The following ABCC11 variants were observed in gnomAD, a reference collection of about 807,000 sequenced individuals.
The protein encoded by ABCC11 is ATP binding cassette subfamily C member 11.
Under a neutral mutation model 149.3 loss-of-function variants are expected in ABCC11, and 135 were observed. That is an observed-to-expected ratio of 0.90 (90% confidence interval 0.79 to 1.04). The LOEUF (loss-of-function observed/expected upper bound fraction) is 1.04. Ranked by LOEUF, ABCC11 falls within the 50% of genes least tolerant of loss-of-function variation. The pLI, the probability that ABCC11 is intolerant of heterozygous loss-of-function variation, is 0.00. For missense variants in ABCC11, 1,680 were observed against 1,722.1 expected (o/e 0.98, Z 0.43); for synonymous variants, 665 against 671.4 (o/e 0.99, Z 0.15).
intron 20 of ABCC11, among the ~76,000 whole-genome samples, chr16:48,191,342 C>A (rs1966907485): frequency 6.6e-6 from 1 of 152,080 alleles, no homozygotes. Flanking sequence ...TCAAGACCAG[C>A]CTGCGCAACA....
intron 3 of ABCC11, among the ~76,000 whole-genome samples, chr16:48,228,522 G>A (rs1165669629): frequency 6.6e-6 from 1 of 152,026 alleles, no homozygotes; most frequent in Non-Finnish European, 1.5e-5. Flanking sequence ...CTTGAACCCG[G>A]GAGGCACAGG....
At chr16:48,202,834 CAGATGTAAA>C (rs1386011219) in intron 14 of ABCC11, among the ~76,000 whole-genome samples, 15 of 152,074 alleles carry the variant, frequency 9.9e-5, no homozygotes. Flanking sequence ...AAGGTGGCTG[CAGATGTAAA>C]AGATTGGAAT....
intron 14 of ABCC11, among the ~76,000 whole-genome samples, chr16:48,201,174 C>T (rs1453535021): frequency 6.6e-6 from 1 of 152,140 alleles, no homozygotes; most frequent in Non-Finnish European, 1.5e-5. Flanking sequence ...TTTTTCTAAA[C>T]CTATCAACTT....
At chr16:48,239,690 A>C (rs1279225475) in intron 1 of ABCC11, among the ~76,000 whole-genome samples, 1 of 152,232 alleles carries the variant, frequency 6.6e-6, no homozygotes, top group Non-Finnish European at 1.5e-5. Context: ...GATCTAATTA[A>C]GCTAAAGAGC....
At chr16:48,189,466 T>C (rs563213377) in intron 20 of ABCC11, among the ~76,000 whole-genome samples, 2 of 152,336 alleles carry the variant, frequency 1.3e-5, no homozygotes, top group South Asian at 4.1e-4. Context: ...TTGAGCGAAC[T>C]TTTTAAGATT....
intron 19 of ABCC11, among the ~76,000 whole-genome samples, 176 bp downstream of exon 19, chr16:48,193,702 CT>C (rs1181639090): frequency 6.6e-6 from 1 of 152,212 alleles, no homozygotes; most frequent in Admixed American, 6.5e-5. Context: ...GTCAGGAGGC[CT>C]GTGCCAGGGG....
In ABCC11 at chr16:48,178,708, G is replaced by A. The variant is rs200432924; in HGVS notation, c.3259-22C>T. ...CCAGCTAGAAGGAAGGAGAAGTATC[G>A]GGGGTCAAGAGGCTGCTGGGGTGTG... is the stretch of plus-strand genomic sequence containing the variant. On this transcript the variant is annotated intron_variant, in intron 23 of 29. Coordinates refer to ENST00000356608, the MANE Select transcript of ABCC11 (RefSeq NM_001370497.1). 44 of 1,611,248 alleles carry A rather than the reference G, an allele frequency of 2.7e-5. 1 individual carries two copies. The highest frequency in any genetic ancestry group is 8.9e-5 in the East Asian group (4 of 44,870).
chr16:48,182,506 G>A (rs1173062170), intron 23 of ABCC11, among the ~76,000 whole-genome samples: 7 of 152,116 alleles, frequency 4.6e-5, no homozygotes, highest in South Asian at 4.1e-4. Flanking sequence ...GGGGCGGGGC[G>A]CGGTGGCTCA....
rs1376962655 is a variant in ABCC11 at position 48,245,643 on chromosome 16, G to A, written c.-19+1671C>T. Among the ~76,000 whole-genome samples the A allele has an allele frequency of 2.0e-5, 3 of 152,138 alleles. No individual in the cohort carries two copies. The East Asian group carries it at 5.8e-4, about 29-fold the overall frequency. ...CCAGGAGGTTGGTCACCCTAAATGT[G>A]CTGTAAGTGTACAATACACGCCAGA... is the stretch of plus-strand genomic sequence containing the variant. On this transcript the variant is annotated intron_variant, in intron 1 of 29. Coordinates refer to ENST00000356608, the MANE Select transcript of ABCC11 (RefSeq NM_001370497.1).
chr16:48,192,496 C>T (rs1372819149), intron 20 of ABCC11, 24 bp downstream of exon 20: 1 of 1,612,976 alleles, frequency 6.2e-7, no homozygotes, highest in Non-Finnish European at 8.5e-7. Context: ...AGCCTTCGGC[C>T]CCACCCAGCA....
chr16:48,244,355 T>G, intron 1 of ABCC11: 1 of 1,478,420 alleles, frequency 6.8e-7, no homozygotes, highest in East Asian at 2.6e-5. Flanking sequence ...TGTCTGGCTC[T>G]TTTTGACAGC....
intron 7 of ABCC11, 139 bp from the exon 8 acceptor site, chr16:48,215,483 A>C: frequency 9.9e-7 from 1 of 1,008,100 alleles, no homozygotes; most frequent in Non-Finnish European, 1.4e-6. Flanking sequence ...TCTCCAGGCC[A>C]CTATGCCTTA....
intron 26 of ABCC11, among the ~76,000 whole-genome samples, chr16:48,174,239 T>G (rs1013697026): frequency 6.6e-6 from 1 of 152,032 alleles, no homozygotes; most frequent in Non-Finnish European, 1.5e-5. Context: ...GCAGGGAAAA[T>G]GTACATTCAT....
At chr16:48,183,953 A>C (rs1966602160) in intron 23 of ABCC11, among the ~76,000 whole-genome samples, 1 of 152,140 alleles carries the variant, frequency 6.6e-6, no homozygotes, top group Non-Finnish European at 1.5e-5. Context: ...GCCCTGTTCT[A>C]GGGGCTGGGC....
intron 1 of ABCC11, among the ~76,000 whole-genome samples, chr16:48,237,852 C>T (rs999453122): frequency 6.6e-6 from 1 of 152,334 alleles, no homozygotes; most frequent in African/African-American, 2.4e-5. Flanking sequence ...GCCCCCACCC[C>T]CTAATCTTTG....
chr16:48,238,536 G>T (rs1026231053), intron 1 of ABCC11, among the ~76,000 whole-genome samples: 2 of 151,918 alleles, frequency 1.3e-5, no homozygotes, highest in Admixed American at 1.3e-4. Flanking sequence ...TGTTCCACCT[G>T]CAACCTAAGG....
intron 18 of ABCC11, among the ~76,000 whole-genome samples, chr16:48,195,725 A>T (rs552872919): frequency 1.3e-5 from 2 of 152,330 alleles, no homozygotes; most frequent in Admixed American, 1.3e-4. Context: ...ACACCAAAAT[A>T]AAAGTCCCAC....
At chr16:48,212,727 A>G (rs1439707001) in intron 10 of ABCC11, among the ~76,000 whole-genome samples, 1 of 152,244 alleles carries the variant, frequency 6.6e-6, no homozygotes. Context: ...TAGGAGCTCA[A>G]TAAATATTTT....
Position 48,231,824 on chromosome 16 carries a change from T to C in ABCC11, c.98A>G (p.Tyr33Cys), listed in dbSNP as rs1322551465. The C allele has an allele frequency of 4.3e-6, 7 of 1,613,896 alleles. No individual in the cohort carries two copies. Among genetic ancestry groups the C allele is most frequent in the African/African-American group, 2.7e-5 (2 of 74,902 alleles). ...GCTGATGCTAAGAGATCTACTTACATAAATAAGTCCTGAAACCATGTCATC... is the reference window on the plus strand; with the variant it reads ...GCTGATGCTAAGAGATCTACTTACACAAATAAGTCCTGAAACCATGTCATC... Reference protein sequence around the residue: ...IGDDMVSGLIYKTYTLQDGPW... With the variant: ...IGDDMVSGLICKTYTLQDGPW... Residue 33 changes from tyrosine (Y) to cysteine (C), a missense_variant and splice_region_variant, in exon 2 of 30, where the codon TAT (tyrosine) becomes TGT (cysteine). Coordinates refer to ENST00000356608, the MANE Select transcript of ABCC11 (RefSeq NM_001370497.1).
Sources: gnomAD v4.1 joint callset for allele counts (sites outside exome capture counted in the v4.1 genomes callset) on GRCh38, gnomAD v4.1.1 for gene constraint, MANE v1.5 for transcripts, NCBI Gene and HGNC (gene_info 2026-07-23, HGNC 2026-07-21) for gene names.